The following DPP9 variants were observed in gnomAD, a reference collection of about 807,000 sequenced individuals.
DPP9 encodes the protein dipeptidyl peptidase 9, also known as dipeptidyl peptidase IV-related protein-2.
In DPP9, 50 loss-of-function variants were observed where a neutral mutation model predicts 110.7. The ratio of observed to expected loss-of-function variants is 0.45; its 90% CI spans 0.36 to 0.57. The LOEUF (loss-of-function observed/expected upper bound fraction) is 0.57, where lower values mean the gene tolerates loss of function less well. DPP9 is among the 20% of genes least tolerant of loss of function. DPP9 has a pLI of 0.00. For synonymous variants in DPP9, 561 were observed against 514.4 expected (o/e 1.09, Z -1.23); for missense variants, 1,022 against 1,217.9 (o/e 0.84, Z 2.39).
intron 11 of DPP9, among the ~76,000 whole-genome samples, chr19:4,696,181 G>A (rs112379499): frequency 0.044 from 6,682 of 152,218 alleles, 493 homozygotes; most frequent in African/African-American, 0.15. Flanking sequence ...GTTTACAGAC[G>A]TGAGCCACCG....
chr19:4,700,210 C>T lies in DPP9; in HGVS notation c.1074+6G>A. 6.3e-6 allele frequency: 10 copies of T among 1,576,714 alleles called. No homozygotes were observed. The highest frequency in any genetic ancestry group is 7.8e-6 in the Non-Finnish European group (9 of 1,155,246). ...AGATTATCTGGTATGCAGCAGGCCC[C>T]CTTACCTTGCCCTGGCTGTCAGTCT... On this transcript the variant is annotated splice_donor_region_variant and intron_variant, in intron 10 of 21. Coordinates refer to ENST00000262960, the MANE Select transcript of DPP9 (RefSeq NM_139159.5). The surrounding 1 kb of genome is among the most constrained non-coding windows in gnomAD (Gnocchi z 4.3).
In DPP9 at chr19:4,714,374, C is replaced by T. The variant is rs530541499; in HGVS notation, c.57-37G>A. 14 of 1,459,150 alleles carry T rather than the reference C, an allele frequency of 9.6e-6. No homozygotes were observed. In the South Asian group the frequency reaches 1.2e-4, roughly 13 times the overall value. 90.4% of individuals were successfully genotyped at this position (1,459,150 alleles called of 1,614,324 possible). A position where few individuals can be genotyped will look rare whatever the true frequency, so the allele number is the denominator to read the frequency against. The stretch of plus-strand genomic sequence containing the variant: ...AAGCAAAGACTATGAGAAAGGAGAA[C>T]TGTTTTACCTACGAGCTGCCCCAAT... On this transcript the variant is annotated intron_variant, in intron 3 of 21. Coordinates refer to ENST00000262960, the MANE Select transcript of DPP9 (RefSeq NM_139159.5).
At chr19:4,716,392 C>T (rs914424960) in intron 3 of DPP9, among the ~76,000 whole-genome samples, 3 of 152,150 alleles carry the variant, frequency 2.0e-5, no homozygotes, top group African/African-American at 7.2e-5. Context: ...AATCTCAGCA[C>T]TTCGGGAGGC....
Position 4,683,582 on chromosome 19 carries a change from G to A in DPP9, c.2226C>T (p.Ala742=), listed in dbSNP as rs779518234. 2.4e-5 allele frequency: 39 copies of A among 1,613,392 alleles called. No individual in the cohort carries two copies. The East Asian group carries it at 5.3e-4, about 22-fold the overall frequency. The stretch of plus-strand genomic sequence containing the variant: ...TCAGGTCGATGAAGCCATACTTCTC[G>A]GCCACGAACTGCAGGCCCTCCACCT... ...EDQVEGLQFV[A]EKYGFIDLSR... The change falls in exon 19 of 22, where the codon GCC becomes GCT. Residue 742 remains alanine (A), a synonymous_variant. Transcript: ENST00000262960.
rs2088902237 is a variant in DPP9, at chr19:4,676,862, C to T, written c.2587-206G>A. Among the ~76,000 whole-genome samples, 1 of 152,200 alleles carries T rather than the reference C, an allele frequency of 6.6e-6. No homozygotes were observed. Among genetic ancestry groups the T allele is most frequent in the Non-Finnish European group, 1.5e-5 (1 of 68,032 alleles). On this transcript the variant is annotated intron_variant, in intron 21 of 21. Coordinates refer to ENST00000262960, the MANE Select transcript of DPP9 (RefSeq NM_139159.5). This position sits in a 1 kb window ranked among gnomAD's most constrained non-coding sequence, Gnocchi z 4.0. ...ATGGGGTGAATCCGGACCTCACAGTCTTTGGGAGGATTTGGTAAGACAAAG... is the reference window on the plus strand; with the variant it reads ...ATGGGGTGAATCCGGACCTCACAGTTTTTGGGAGGATTTGGTAAGACAAAG...
chr19:4,683,825 C>G (rs1323617384), intron 18 of DPP9, 196 bp from the exon 19 acceptor site: 1 of 1,533,906 alleles, frequency 6.5e-7, no homozygotes, highest in Non-Finnish European at 8.7e-7. Flanking sequence ...AGCCATCTTG[C>G]TCTGCCACCT....
chr19:4,720,041 C>CA (rs981358589), intron 2 of DPP9, 100 bp from the exon 3 acceptor site: 268 of 888,118 alleles, frequency 3.0e-4, no homozygotes, highest in African/African-American at 8.7e-4. Flanking sequence ...CTCCAGGCAG[C>CA]CCCCCAAGCC....
rs1214113309 is a variant in DPP9, at chr19:4,704,154, C to T, written c.577G>A (p.Asp193Asn). 2.5e-6 allele frequency: 4 copies of T among 1,613,978 alleles called. No homozygotes were observed. Among genetic ancestry groups the T allele is most frequent in the Non-Finnish European group, 2.5e-6 (3 of 1,179,900 alleles). The change falls in exon 6 of 22, where the codon GAC (aspartate) becomes AAC (asparagine). Residue 193 changes from aspartate to asparagine, a missense_variant. Physicochemically the swap from Asp to Asn is conservative, Grantham distance 23. Coordinates refer to ENST00000262960, the MANE Select transcript of DPP9 (RefSeq NM_139159.5). This position sits in a 1 kb window ranked among gnomAD's most constrained non-coding sequence, Gnocchi z 6.0. The part of the protein sequence containing the change: ...QASNSLFHCR[D>N]GGKNGFMVSP... ...ACCATGAAGCCGTTCTTGCCGCCGT[C>T]GCGGCAGTGGAAGAGGCTGTTGCTG...
At chr19:4,716,087 T>G (rs1568334198) in intron 3 of DPP9, 1 of 152,238 alleles carries the variant, frequency 6.6e-6, no homozygotes, top group Non-Finnish European at 1.5e-5. Flanking sequence ...GACCAACAGC[T>G]TGGCTTGGGG....
rs956670024 is a variant in DPP9 at position 4,694,962 on chromosome 19, C to T, written c.1354-139G>A. 8 of 755,646 alleles carry T rather than the reference C, an allele frequency of 1.1e-5. No homozygotes were observed. Among genetic ancestry groups the T allele is most frequent in the Non-Finnish European group, 1.7e-5 (8 of 471,168 alleles). 46.8% of individuals were successfully genotyped at this position (755,646 alleles called of 1,614,324 possible). A position where few individuals can be genotyped will look rare whatever the true frequency, so the allele number is the denominator to read the frequency against. ...CAGGAATTTCAGAGACCAGCCTGGACAACATAGTAAGACCCCACCTCTAAA... is the reference window on the plus strand; with the variant it reads ...CAGGAATTTCAGAGACCAGCCTGGATAACATAGTAAGACCCCACCTCTAAA... On this transcript the variant is annotated intron_variant, in intron 12 of 21. Transcript: ENST00000262960. This position sits in a 1 kb window ranked among gnomAD's most constrained non-coding sequence, Gnocchi z 4.0.
chr19:4,716,395 C>T (rs527324574), intron 3 of DPP9, among the ~76,000 whole-genome samples: 23 of 152,182 alleles, frequency 1.5e-4, no homozygotes, highest in Non-Finnish European at 2.5e-4. Context: ...CTCAGCACTT[C>T]GGGAGGCCAA....
rs772966406 is a variant in DPP9, at chr19:4,688,860, G to A, written c.1782C>T (p.Ser594=). The A allele has an allele frequency of 8.6e-6, 13 of 1,518,666 alleles. No homozygotes were observed. Among genetic ancestry groups the A allele is most frequent in the Non-Finnish European group, 8.7e-6 (10 of 1,147,332 alleles). The allele number at this position is 1,518,666 out of a possible 1,614,324, so 94.1% of individuals were successfully genotyped here. A position where few individuals can be genotyped will look rare whatever the true frequency, so the allele number is the denominator to read the frequency against. Residue 594 remains serine, a synonymous_variant, in exon 16 of 22, where the codon AGC becomes AGT. Coordinates refer to ENST00000262960, the MANE Select transcript of DPP9 (RefSeq NM_139159.5). ...NFDMFVSHYS[S]VSTPPCVHVY... ...CGTGCACGCAGGGCGGCGTGCTCAC[G>A]CTGCTGTAGTGGCTGACGAACATGT...
At position 4,687,783 on chromosome 19, in the gene DPP9, G is replaced by A. The variant is rs1177155401; in HGVS notation, c.1885+974C>T. 6.6e-6 allele frequency among the ~76,000 whole-genome samples: 1 copy of A among 152,122 alleles called. No homozygotes were observed. Among genetic ancestry groups the A allele is most frequent in the East Asian group, 1.9e-4 (1 of 5,180 alleles). On this transcript the variant is annotated intron_variant, in intron 16 of 21. Coordinates refer to ENST00000262960, the MANE Select transcript of DPP9 (RefSeq NM_139159.5). This position sits in a 1 kb window ranked among gnomAD's most constrained non-coding sequence, Gnocchi z 4.7. ...TCTGACATCCCGGCCACCCCTGCAT[G>A]GACCACCACTGTTCAAAAGGTTTTT...
chr19:4,719,902 C>A lies in DPP9; in HGVS notation c.5G>T (p.Arg2Leu). ...GTCCAGGCGCAGTTTCTTAACCTTC[C>A]GCATTAACCGCTCAGCTGACCTCAG... is the stretch of plus-strand genomic sequence containing the variant. M[R>L]KVKKLRLDKE... Residue 2 changes from arginine (R) to leucine (L), a missense_variant, in exon 3 of 22, where the codon CGG becomes CTG. By Grantham distance (102) the Arg-to-Leu change is moderately radical (BLOSUM62 -2). This residue lies in a region of DPP9 where 810 missense variants were observed against 920.6 expected (regional missense o/e 0.88). Transcript: ENST00000262960. 6.4e-7 allele frequency: 1 copy of A among 1,551,726 alleles called. No individual in the cohort carries two copies. The highest frequency in any genetic ancestry group is 8.7e-7 in the Non-Finnish European group (1 of 1,147,012).
chr19:4,676,515 G>T lies in DPP9; in HGVS notation c.*49C>A, dbSNP rs777534661. 20 of 1,508,502 alleles carry T rather than the reference G, an allele frequency of 1.3e-5. No homozygotes were observed. The Admixed American group carries it at 3.2e-4, about 24-fold the overall frequency. 93.4% of individuals were successfully genotyped at this position (1,508,502 alleles called of 1,614,324 possible). A position where few individuals can be genotyped will look rare whatever the true frequency, so the allele number is the denominator to read the frequency against. ...AGTCCCTCCCGCCTGGTTCCCCGCG[G>T]AGGCTGCAGCCACTTGTGCTGTGAT... On this transcript the variant is annotated 3_prime_UTR_variant, in exon 22 of 22. Transcript: ENST00000262960. This position sits in a 1 kb window ranked among gnomAD's most constrained non-coding sequence, Gnocchi z 4.0.
In DPP9 at chr19:4,695,340, G is replaced by T. The variant is rs753716279; in HGVS notation, c.1353+38C>A. The T allele has an allele frequency of 2.2e-5, 34 of 1,522,658 alleles. No homozygotes were observed. The South Asian group carries it at 4.3e-4, about 19-fold the overall frequency. 94.3% of individuals were successfully genotyped at this position (1,522,658 alleles called of 1,614,324 possible). A position where few individuals can be genotyped will look rare whatever the true frequency, so the allele number is the denominator to read the frequency against. ...GGGGTGGGGACAGTGTGACTCCAGG[G>T]CCCAGGCGGGCATACAGCCAGCGCT... On this transcript the variant is annotated intron_variant, in intron 12 of 21. Coordinates refer to ENST00000262960, the MANE Select transcript of DPP9 (RefSeq NM_139159.5). This position sits in a 1 kb window ranked among gnomAD's most constrained non-coding sequence, Gnocchi z 4.7.
rs1200168940 is a variant in DPP9, at chr19:4,694,555, G to A, written c.1516+106C>T. 1.9e-5 allele frequency: 26 copies of A among 1,395,954 alleles called. No individual in the cohort carries two copies. The highest frequency in any genetic ancestry group is 1.8e-4 in the Middle Eastern group (1 of 5,540). 86.5% of individuals were successfully genotyped at this position (1,395,954 alleles called of 1,614,324 possible). A position where few individuals can be genotyped will look rare whatever the true frequency, so the allele number is the denominator to read the frequency against. The stretch of plus-strand genomic sequence containing the variant: ...CCTGCCGATCCCTGTTCCTTCTCCC[G>A]CAGGGTGTGCTGGCTGAGTGGGGGG... On this transcript the variant is annotated intron_variant, in intron 13 of 21. Coordinates refer to ENST00000262960, the MANE Select transcript of DPP9 (RefSeq NM_139159.5). The surrounding 1 kb of genome is among the most constrained non-coding windows in gnomAD (Gnocchi z 4.0).
Position 4,698,154 on chromosome 19 carries a change from T to C in DPP9, c.1075-503A>G, listed in dbSNP as rs2091956202. Among the ~76,000 whole-genome samples the C allele has an allele frequency of 6.6e-6, 1 of 152,228 alleles. No homozygotes were observed. The highest frequency in any genetic ancestry group is 2.1e-4 in the South Asian group (1 of 4,830). ...TGGACCCAAAGGCTCTGGTCTGGGC[T>C]GTCCCTTAGAGCCAGGTGGCTCTGG... On this transcript the variant is annotated intron_variant, in intron 10 of 21. Transcript: ENST00000262960. The surrounding 1 kb of genome is among the most constrained non-coding windows in gnomAD (Gnocchi z 4.2).
Position 4,688,877 on chromosome 19 carries a change from C to A in DPP9, c.1765G>T (p.Val589Phe). 2 of 1,519,812 alleles carry A rather than the reference C, an allele frequency of 1.3e-6. No homozygotes were observed. The highest frequency in any genetic ancestry group is 1.7e-6 in the Non-Finnish European group (2 of 1,148,896). 94.1% of individuals were successfully genotyped at this position (1,519,812 alleles called of 1,614,324 possible). A position where few individuals can be genotyped will look rare whatever the true frequency, so the allele number is the denominator to read the frequency against. The change falls in exon 16 of 22, where the codon GTC becomes TTC. Residue 589 changes from valine (V) to phenylalanine (F), a missense_variant. Around this residue, in one of 3 missense-constraint regions of DPP9, gnomAD observed 810 missense variants for 920.6 expected, o/e 0.88. Coordinates refer to ENST00000262960, the MANE Select transcript of DPP9 (RefSeq NM_139159.5). ...CSMSQNFDMF[V>F]SHYSSVSTPP... is the part of the protein sequence containing the mutation. ...GTGCTCACGCTGCTGTAGTGGCTGA[C>A]GAACATGTCGAAGTTCTGGGGGTGG...
Sources: allele counts gnomAD v4.1 joint callset (sites outside exome capture counted in the v4.1 genomes callset), GRCh38; gene constraint gnomAD v4.1.1; regional missense constraint gnomAD v4.1.1; non-coding constraint Gnocchi (gnomAD v3.1); transcripts MANE v1.5; gene names NCBI Gene and HGNC (gene_info 2026-07-23, HGNC 2026-07-21).